The following MAN2A2 variants were observed in gnomAD, a reference collection of about 807,000 sequenced individuals.
The protein encoded by MAN2A2 is mannosidase alpha class 2A member 2.
A neutral mutation model predicts 126.8 loss-of-function variants in MAN2A2; 79 were observed. The ratio of observed to expected loss-of-function variants is 0.62; its 90% confidence interval spans 0.52 to 0.75. The LOEUF is 0.75. MAN2A2 is among the 30% of genes least tolerant of loss of function. The pLI is 0.00. For synonymous variants in MAN2A2, 671 were observed against 618.7 expected, an observed-to-expected ratio of 1.08 and a Z score of -1.25; for missense variants, 1,392 against 1,522.4, an observed-to-expected ratio of 0.91 and a Z score of 1.43.
rs780513413 is a variant in MAN2A2 at position 90,920,260 on chromosome 15, G to C, written c.*473G>C. ...TGTCCTGGTGTGATGAGCAGGATCA[G>C]AGTGACTCTGGGAGGACAGGGGTGG... On this transcript the variant is annotated 3_prime_UTR_variant, in exon 23 of 23. Coordinates refer to ENST00000559717, the MANE Select transcript of MAN2A2 (RefSeq NM_006122.4). The C allele has an allele frequency of 3.2e-5, 5 of 158,100 alleles. No homozygotes were observed. Among genetic ancestry groups the C allele is most frequent in the Non-Finnish European group, 5.6e-5 (4 of 71,714 alleles). 9.8% of individuals were successfully genotyped at this position (158,100 alleles called of 1,614,324 possible).
At position 90,905,198 on chromosome 15, in the gene MAN2A2, C is replaced by A; in HGVS notation, c.133-53C>A. The A allele has an allele frequency of 1.9e-6, 3 of 1,587,556 alleles. No individual in the cohort carries two copies. The South Asian group carries it at 3.4e-5, about 18-fold the overall frequency. ...TCAGCTGGTAGACCCCAAGCAGAGA[C>A]CCTCCCTGTGGCATAAGGAGCTGTG... On this transcript the variant is annotated intron_variant, in intron 2 of 22. Transcript: ENST00000559717.
intron 14 of MAN2A2, 51 bp from the exon 15 acceptor site, chr15:90,911,992 C>G: frequency 6.8e-7 from 1 of 1,480,988 alleles, no homozygotes; most frequent in Non-Finnish European, 9.3e-7. Context: ...GCCTCAGCAC[C>G]CCTGTGGCGA....
chr15:90,909,369 G>T lies in MAN2A2; in HGVS notation c.1239G>T (p.Leu413=). ...LLDQYRKKSQ[L]FRSNVLLVPL... The stretch of plus-strand genomic sequence containing the variant: ...ACCAATACCGGAAGAAGTCCCAGCT[G>T]TTCCGAAGCAACGTCCTCCTGGTGC... The change falls in exon 9 of 23, where the codon CTG becomes CTT. Residue 413 remains leucine, a synonymous_variant. Transcript: ENST00000559717. 2 of 1,613,992 alleles carry T rather than the reference G, an allele frequency of 1.2e-6. No homozygotes were observed. The highest frequency in any genetic ancestry group is 1.7e-6 in the Non-Finnish European group (2 of 1,179,862).
chr15:90,913,207 G>A (rs1198918784), intron 17 of MAN2A2, 66 bp from the exon 18 acceptor site: 2 of 1,580,216 alleles, frequency 1.3e-6, no homozygotes, highest in Non-Finnish European at 1.7e-6. Flanking sequence ...TGATCCCCCA[G>A]CCCAGCCTCT....
rs575327058 is a variant in MAN2A2, at chr15:90,913,479, C to T, written c.2718+73C>T. 38 of 1,576,208 alleles carry T rather than the reference C, an allele frequency of 2.4e-5. No homozygotes were observed. The African/African-American group carries it at 5.0e-4, about 21-fold the overall frequency. On this transcript the variant is annotated intron_variant, in intron 18 of 22. Transcript: ENST00000559717. ...ACTCTGCTTTTGCCCCTGTCACAGGCCCTGGGGGATGATCTGCCCTGATGG... is the reference window on the plus strand; with the variant it reads ...ACTCTGCTTTTGCCCCTGTCACAGGTCCTGGGGGATGATCTGCCCTGATGG...
At chr15:90,916,915 G>A (rs2035232707) in intron 20 of MAN2A2, among the ~76,000 whole-genome samples, 2 of 152,222 alleles carry the variant, frequency 1.3e-5, no homozygotes, top group South Asian at 4.1e-4. Context: ...CTGATCCTGA[G>A]GAGCAAGGTA....
chr15:90,913,524 G>A (rs2034933704), intron 18 of MAN2A2, 90 bp from the exon 19 acceptor site: 11 of 1,564,182 alleles, frequency 7.0e-6, no homozygotes, highest in Middle Eastern at 1.7e-4. Context: ...AATGAGAGGC[G>A]AAGAGTTATC....
At chr15:90,907,551 C>A in intron 8 of MAN2A2, 56 bp downstream of exon 8, 1 of 1,540,964 alleles carries the variant, frequency 6.5e-7, no homozygotes, top group South Asian at 1.2e-5. Flanking sequence ...TGGCTCTGGT[C>A]TGGGCCGTGC....
intron 20 of MAN2A2, among the ~76,000 whole-genome samples, chr15:90,917,153 T>A (rs948067028): frequency 2.0e-5 from 3 of 152,118 alleles, no homozygotes; most frequent in Middle Eastern, 3.2e-3. Context: ...AAGTAAAAAA[T>A]TTGCTTTCTT....
At position 90,912,650 on chromosome 15, in the gene MAN2A2, G is replaced by A. The variant is rs781684396; in HGVS notation, c.2455G>A (p.Asp819Asn). ...DKSGAYLFLP[D>N]GEAKPYVPKE... is the part of the protein sequence containing the mutation. ...GAGTGGAGCCTACCTCTTCCTGCCC[G>A]ATGGCGAGGCCAAGGTATCCTAAAG... The change falls in exon 16 of 23, where the codon GAT (aspartate) becomes AAT (asparagine). Residue 819 changes from aspartate to asparagine, a missense_variant. Coordinates refer to ENST00000559717, the MANE Select transcript of MAN2A2 (RefSeq NM_006122.4). 21 of 1,614,006 alleles carry A rather than the reference G, an allele frequency of 1.3e-5. No individual in the cohort carries two copies. Among genetic ancestry groups the A allele is most frequent in the African/African-American group, 5.3e-5 (4 of 74,944 alleles).
intron 10 of MAN2A2, 48 bp from the exon 11 acceptor site, chr15:90,910,453 G>T (rs771644617): frequency 2.5e-6 from 4 of 1,604,972 alleles, no homozygotes; most frequent in Non-Finnish European, 3.4e-6. Flanking sequence ...GTGTGGGTGG[G>T]CCCTGGCTAG....
At chr15:90,912,330 G>A in intron 15 of MAN2A2, 51 bp downstream of exon 15, 2 of 1,597,572 alleles carry the variant, frequency 1.3e-6, no homozygotes, top group South Asian at 1.1e-5. Flanking sequence ...TAGGGCGTGT[G>A]TGGTGGTGGC....
chr15:90,913,595 G>C lies in MAN2A2; in HGVS notation c.2719-19G>C, dbSNP rs1294739737. On this transcript the variant is annotated intron_variant, in intron 18 of 22. Coordinates refer to ENST00000559717, the MANE Select transcript of MAN2A2 (RefSeq NM_006122.4). ...CATGGTGCCCGGGTGCCCTTGATCT[G>C]CTGGCCTTGCCCCCACAGGTGCAGC... The C allele has an allele frequency of 6.2e-7, 1 of 1,602,956 alleles. No individual in the cohort carries two copies. Among genetic ancestry groups the C allele is most frequent in the Non-Finnish European group, 8.5e-7 (1 of 1,175,422 alleles).
At chr15:90,905,164 A>C in intron 2 of MAN2A2, 87 bp from the exon 3 acceptor site, 1 of 1,436,556 alleles carries the variant, frequency 7.0e-7, no homozygotes, top group African/African-American at 1.4e-5. Flanking sequence ...GAAGAATTGT[A>C]CTCAGGCCTC....
chr15:90,904,286 G>A lies in MAN2A2; in HGVS notation c.79G>A (p.Asp27Asn), dbSNP rs1326768132. The change falls in exon 2 of 23, where the codon GAC becomes AAC. Residue 27 changes from aspartate to asparagine, a missense_variant. Physicochemically the swap from Asp to Asn is conservative, Grantham distance 23 (BLOSUM62 1). Coordinates refer to ENST00000559717, the MANE Select transcript of MAN2A2 (RefSeq NM_006122.4). ...VAVFSLYLML[D>N]RVQHDPTRHQ... The stretch of plus-strand genomic sequence containing the variant: ...AGTCTTCTCGCTCTACCTCATGCTG[G>A]ACCGAGTGCAACACGATCCCACCCG... 7 of 1,614,144 alleles carry A rather than the reference G, an allele frequency of 4.3e-6. No homozygotes were observed. Among genetic ancestry groups the A allele is most frequent in the Non-Finnish European group, 5.9e-6 (7 of 1,180,032 alleles).
chr15:90,914,332 A>C (rs1245689054), intron 19 of MAN2A2, among the ~76,000 whole-genome samples: 1 of 151,500 alleles, frequency 6.6e-6, no homozygotes, highest in Non-Finnish European at 1.5e-5. Flanking sequence ...CAGTCTGAAA[A>C]AAAAGGCAAG....
At position 90,912,553 on chromosome 15, in the gene MAN2A2, G is replaced by T. The variant is rs758677234; in HGVS notation, c.2358G>T (p.Arg786Ser). The stretch of plus-strand genomic sequence containing the variant: ...GTGTTTTTTGGCAGAGCATCCGAAG[G>T]GTGGATGAGGAGCACGAGCAGCAGG... ...GLTGLLKSIR[R>S]VDEEHEQQVD... The change falls in exon 16 of 23, where the codon AGG becomes AGT. Residue 786 changes from arginine (R) to serine (S), a missense_variant. Arg to Ser is a moderately radical substitution (Grantham distance 110, BLOSUM62 -1). Transcript: ENST00000559717. The T allele has an allele frequency of 1.4e-5, 23 of 1,613,800 alleles. No homozygotes were observed. The highest frequency in any genetic ancestry group is 1.9e-5 in the Non-Finnish European group (23 of 1,179,916).
intron 2 of MAN2A2, 91 bp downstream of exon 2, chr15:90,904,430 C>T (rs978472356): frequency 2.9e-6 from 4 of 1,377,000 alleles, no homozygotes; most frequent in South Asian, 1.4e-5. Flanking sequence ...CCTCCCACCC[C>T]CCGCTGGAGG....
Position 90,916,138 on chromosome 15 carries a change from T to C in MAN2A2, c.2876T>C (p.Ile959Thr), listed in dbSNP as rs1357568500. ...SSLKDGQLEV[I>T]LDRRLMQDDN... The stretch of plus-strand genomic sequence containing the variant: ...GCTTCCCCAGGCCAGCTGGAGGTGA[T>C]CTTGGACCGGCGGCTGATGCAGGAT... Residue 959 changes from isoleucine (I) to threonine (T), a missense_variant, in exon 20 of 23, where the codon ATC becomes ACC. By Grantham distance (89) the Ile-to-Thr change is moderately conservative. Coordinates refer to ENST00000559717, the MANE Select transcript of MAN2A2 (RefSeq NM_006122.4). 2 of 1,614,060 alleles carry C rather than the reference T, an allele frequency of 1.2e-6. No homozygotes were observed. The highest frequency in any genetic ancestry group is 1.7e-6 in the Non-Finnish European group (2 of 1,179,990).
Sources: gnomAD v4.1 joint callset for allele counts (sites outside exome capture counted in the v4.1 genomes callset) on GRCh38, gnomAD v4.1.1 for gene constraint, MANE v1.5 for transcripts, NCBI Gene and HGNC (gene_info 2026-07-23, HGNC 2026-07-21) for gene names.